The following CALML4 variants were observed in gnomAD, a reference collection of about 807,000 sequenced individuals.
CALML4 encodes calmodulin like 4.
CALML4 carries 16 observed loss-of-function variants against 17.9 expected under a neutral mutation model. The observed-to-expected ratio is 0.89, with a 90% confidence interval of 0.61 to 1.36. CALML4 has a LOEUF of 1.36. Among genes scored for constraint, CALML4 ranks in the 40% most tolerant of loss-of-function variants. The pLI is 0.00. For synonymous variants in CALML4, 86 were observed against 71.5 expected, an observed-to-expected ratio of 1.20 and a Z score of -1.02; for missense variants, 203 against 194.8, an observed-to-expected ratio of 1.04 and a Z score of -0.25.
rs1475095910 is a variant in CALML4, at chr15:68,200,373, A to G, written c.35-692T>C. Among the ~76,000 whole-genome samples the G allele has an allele frequency of 6.6e-6, 1 of 152,166 alleles. No individual in the cohort carries two copies. Among genetic ancestry groups the G allele is most frequent in the Non-Finnish European group, 1.5e-5 (1 of 68,010 alleles). On this transcript the variant is annotated intron_variant, in intron 2 of 4. Transcript: ENST00000467889. The surrounding 1 kb of genome is among the most constrained non-coding windows in gnomAD (Gnocchi z 4.3). ...CCTGGTCCTGTTCTTAGAGACTTCA[A>G]AGGGTCCTGCTGGGAAATTCTCCCA... is the stretch of plus-strand genomic sequence containing the variant.
At chr15:68,198,759 A>G (rs1297338777) in intron 3 of CALML4, among the ~76,000 whole-genome samples, 3 of 102,782 alleles carry the variant, frequency 2.9e-5, no homozygotes, top group African/African-American at 5.8e-5. Context: ...AAACTATTGC[A>G]TAGTTTTTAG....
At chr15:68,201,571 T>TCACA (rs1452595888) in intron 2 of CALML4, among the ~76,000 whole-genome samples, 1 of 152,156 alleles carries the variant, frequency 6.6e-6, no homozygotes, top group Non-Finnish European at 1.5e-5. Flanking sequence ...AAGGTGCTCA[T>TCACA]CACACCCTTG....
At position 68,197,633 on chromosome 15, in the gene CALML4, G is replaced by A. The variant is rs1394151867; in HGVS notation, c.176-5C>T. The A allele has an allele frequency of 6.2e-7, 1 of 1,613,230 alleles. No homozygotes were observed. The highest frequency in any genetic ancestry group is 8.5e-7 in the Non-Finnish European group (1 of 1,179,642). On this transcript the variant is annotated splice_region_variant and splice_polypyrimidine_tract_variant and intron_variant, in intron 3 of 4. Coordinates refer to ENST00000467889, the MANE Select transcript of CALML4 (RefSeq NM_033429.3). This position sits in a 1 kb window ranked among gnomAD's most constrained non-coding sequence, Gnocchi z 4.1. ...AATCCAGCTCTCCATTTCCGTCTAGGAAACCCGCAAACACAGCAGAGTGAG... is the reference window on the plus strand; with the variant it reads ...AATCCAGCTCTCCATTTCCGTCTAGAAAACCCGCAAACACAGCAGAGTGAG...
In CALML4 at chr15:68,204,944, A is replaced by G. The variant is rs2093177068; in HGVS notation, c.34+177T>C. 6.6e-6 allele frequency among the ~76,000 whole-genome samples: 1 copy of G among 151,994 alleles called. No individual in the cohort carries two copies. The highest frequency in any genetic ancestry group is 2.4e-5 in the African/African-American group (1 of 41,386). ...GTATAAAGCCACATGTCTATTTTGG[A>G]GGCTTACCCCCAACCCCCACCCCGC... On this transcript the variant is annotated intron_variant, in intron 2 of 4. Coordinates refer to ENST00000467889, the MANE Select transcript of CALML4 (RefSeq NM_033429.3). The surrounding 1 kb of genome is among the most constrained non-coding windows in gnomAD (Gnocchi z 6.0).
chr15:68,194,084 G>T lies in CALML4; in HGVS notation c.393C>A (p.Ile131=). The part of the protein sequence containing the change: ...EVDDLFREAD[I]EPNGKVKYDE... The stretch of plus-strand genomic sequence containing the variant: ...CATACTTCACTTTGCCATTGGGTTC[G>T]ATATCTGCTTCCCTGAAGAGATCAT... Residue 131 remains isoleucine, a synonymous_variant, in exon 5 of 5, where the codon ATC becomes ATA. Transcript: ENST00000467889. The T allele has an allele frequency of 1.2e-6, 2 of 1,613,738 alleles. No homozygotes were observed. The highest frequency in any genetic ancestry group is 1.7e-6 in the Non-Finnish European group (2 of 1,179,632).
At chr15:68,201,146 A>G (rs1360508927) in intron 2 of CALML4, among the ~76,000 whole-genome samples, 1 of 152,212 alleles carries the variant, frequency 6.6e-6, no homozygotes, top group Non-Finnish European at 1.5e-5. Flanking sequence ...ATTTAGAGAC[A>G]AATTCGCGGC....
intron 2 of CALML4, among the ~76,000 whole-genome samples, chr15:68,202,916 G>A (rs1370591695): frequency 6.7e-6 from 1 of 149,756 alleles, no homozygotes; most frequent in African/African-American, 2.5e-5. Context: ...CTGGGTTCAA[G>A]TGATTCTCCT....
intron 2 of CALML4, among the ~76,000 whole-genome samples, chr15:68,202,937 C>T (rs1350927121): frequency 6.6e-6 from 1 of 151,762 alleles, no homozygotes; most frequent in Non-Finnish European, 1.5e-5. Flanking sequence ...GCCTCAGCCT[C>T]CTGAGTAGCT....
intron 2 of CALML4, among the ~76,000 whole-genome samples, chr15:68,202,643 C>CCTTTTTTTTTT (rs1555437418): frequency 7.8e-6 from 1 of 127,796 alleles, no homozygotes; most frequent in Non-Finnish European, 1.6e-5. Flanking sequence ...GTTTTGCCAA[C>CCTTTTTTTTTT]TTTTTTTTTT....
chr15:68,195,878 A>G (rs2093142283), intron 4 of CALML4, among the ~76,000 whole-genome samples: 1 of 152,036 alleles, frequency 6.6e-6, no homozygotes, highest in Non-Finnish European at 1.5e-5. Flanking sequence ...CATTAACCAC[A>G]AAAAGAAGGC....
rs7165197 is a variant in CALML4, at chr15:68,197,969, G to A, written c.176-341C>T. ...CCTGCCCTGAACTGGAGGGAAACAG[G>A]TCCATGTGTGCATTCCACCTTTGAC... is the stretch of plus-strand genomic sequence containing the variant. On this transcript the variant is annotated intron_variant, in intron 3 of 4. Transcript: ENST00000467889. The surrounding 1 kb of genome is among the most constrained non-coding windows in gnomAD (Gnocchi z 4.1). 1,014 of 233,628 alleles carry A rather than the reference G, an allele frequency of 4.3e-3. 13 individuals are homozygous for A. The highest frequency in any genetic ancestry group is 0.021 in the African/African-American group (951 of 44,636). 14.5% of individuals were successfully genotyped at this position (233,628 alleles called of 1,614,324 possible).
intron 4 of CALML4, among the ~76,000 whole-genome samples, chr15:68,195,448 C>T (rs1285569663): frequency 6.6e-6 from 1 of 152,126 alleles, no homozygotes; most frequent in African/African-American, 2.4e-5. Context: ...TAAAACCATC[C>T]TGGGGGATAG....
At chr15:68,201,125 C>T (rs1008976947) in intron 2 of CALML4, among the ~76,000 whole-genome samples, 3 of 152,194 alleles carry the variant, frequency 2.0e-5, no homozygotes, top group Admixed American at 6.5e-5. Flanking sequence ...ACAGGCAGAT[C>T]GCCATGTACC....
Position 68,194,572 on chromosome 15 carries a change from C to T in CALML4, c.365-460G>A, listed in dbSNP as rs530937073. Among the ~76,000 whole-genome samples the T allele has an allele frequency of 2.9e-4, 44 of 151,968 alleles. 1 individual carries two copies. In the East Asian group the frequency reaches 7.5e-3, roughly 26 times the overall value. Reference sequence around the variant, plus strand: ...CTAATTTTTGTATTTTTAGTAGAGACGGGGTTTCACCATGTTGGCCAGGCT... The same window carrying T: ...CTAATTTTTGTATTTTTAGTAGAGATGGGGTTTCACCATGTTGGCCAGGCT... On this transcript the variant is annotated intron_variant, in intron 4 of 4. Coordinates refer to ENST00000467889, the MANE Select transcript of CALML4 (RefSeq NM_033429.3).
chr15:68,204,967 C>T lies in CALML4; in HGVS notation c.34+154G>A, dbSNP rs1258459704. On this transcript the variant is annotated intron_variant, in intron 2 of 4. Coordinates refer to ENST00000467889, the MANE Select transcript of CALML4 (RefSeq NM_033429.3). The surrounding 1 kb of genome is among the most constrained non-coding windows in gnomAD (Gnocchi z 6.0). ...GGAGGCTTACCCCCAACCCCCACCCCGCCAACAGCAGCCTCCCCGCAGCTC... is the reference window on the plus strand; with the variant it reads ...GGAGGCTTACCCCCAACCCCCACCCTGCCAACAGCAGCCTCCCCGCAGCTC... Among the ~76,000 whole-genome samples, 1 of 152,128 alleles carries T rather than the reference C, an allele frequency of 6.6e-6. No homozygotes were observed. The highest frequency in any genetic ancestry group is 2.4e-5 in the African/African-American group (1 of 41,426).
chr15:68,194,384 C>CTTTT (rs56240648), intron 4 of CALML4, among the ~76,000 whole-genome samples: 2 of 141,064 alleles, frequency 1.4e-5, no homozygotes, highest in African/African-American at 5.3e-5. Flanking sequence ...CCACCGTGTG[C>CTTTT]TTTTTTTTTT....
At chr15:68,202,633 GT>G (rs1232375122) in intron 2 of CALML4, among the ~76,000 whole-genome samples, 1 of 141,814 alleles carries the variant, frequency 7.1e-6, no homozygotes, top group African/African-American at 2.6e-5. Context: ...CCACAAATGA[GT>G]TTTGCCAACT....
intron 4 of CALML4, among the ~76,000 whole-genome samples, chr15:68,195,428 G>C (rs2093140106): frequency 6.6e-6 from 1 of 152,174 alleles, no homozygotes; most frequent in Non-Finnish European, 1.5e-5. Flanking sequence ...TCCACAATCA[G>C]CCAGGTGGCT....
rs2093130734 is a variant in CALML4, at chr15:68,193,749, A to G, written c.*266T>C. On this transcript the variant is annotated 3_prime_UTR_variant, in exon 5 of 5. Coordinates refer to ENST00000467889, the MANE Select transcript of CALML4 (RefSeq NM_033429.3). Reference sequence around the variant, plus strand: ...CAGAGCCAGGACTGGAACCCAGGCCAGACTCCAAACCGCAGGCTCCTTCCA... The same window carrying G: ...CAGAGCCAGGACTGGAACCCAGGCCGGACTCCAAACCGCAGGCTCCTTCCA... The G allele has an allele frequency of 2.7e-6, 1 of 370,800 alleles. No individual in the cohort carries two copies. Among genetic ancestry groups the G allele is most frequent in the East Asian group, 4.8e-5 (1 of 20,666 alleles). 23.0% of individuals were successfully genotyped at this position (370,800 alleles called of 1,614,324 possible).
Sources: gnomAD v4.1 joint callset for allele counts (sites outside exome capture counted in the v4.1 genomes callset) on GRCh38, gnomAD v4.1.1 for gene constraint, Gnocchi (gnomAD v3.1) non-coding constraint, MANE v1.5 for transcripts, NCBI Gene and HGNC (gene_info 2026-07-23, HGNC 2026-07-21) for gene names.